The following SLC14A2 variants were observed in gnomAD, a reference collection of about 807,000 sequenced individuals.
The protein encoded by SLC14A2 is urea transporter 2.
SLC14A2 carries 91 observed loss-of-function variants against 104.6 expected under a neutral mutation model. That is an observed-to-expected ratio of 0.87 (90% CI 0.73 to 1.04). The LOEUF is 1.04. Ranked by LOEUF, SLC14A2 falls within the 50% of genes least tolerant of loss-of-function variation. SLC14A2 has a pLI of 0.00. For missense variants in SLC14A2, 1,189 were observed against 1,156.0 expected, an observed-to-expected ratio of 1.03 and a Z score of -0.41; for synonymous variants, 476 against 466.4, an observed-to-expected ratio of 1.02 and a Z score of -0.27.
intron 1 of SLC14A2, among the ~76,000 whole-genome samples, chr18:45,409,609 C>G (rs1352602763): frequency 6.6e-6 from 1 of 152,182 alleles, no homozygotes; most frequent in Non-Finnish European, 1.5e-5. Flanking sequence ...ATCAACCCAA[C>G]CACTGAGCCT....
chr18:45,427,163 G>A (rs2086445762), intron 1 of SLC14A2, among the ~76,000 whole-genome samples: 1 of 151,788 alleles, frequency 6.6e-6, no homozygotes, highest in South Asian at 2.1e-4. Flanking sequence ...AATTCTTTGT[G>A]TTTGTCATGA....
intron 1 of SLC14A2, among the ~76,000 whole-genome samples, chr18:45,470,638 A>G (rs1833415): frequency 0.98 from 149,326 of 152,248 alleles, 73,287 homozygotes; most frequent in Non-Finnish European, 1. Flanking sequence ...AGTTTATACA[A>G]TATATTTAAT....
chr18:45,675,709 A>ATATATATATAT (rs57989993), intron 18 of SLC14A2, among the ~76,000 whole-genome samples: 156 of 78,402 alleles, frequency 2.0e-3, no homozygotes, highest in East Asian at 0.01. Flanking sequence ...ATATATATAT[A>ATATATATATAT]TTTTTTTTTT....
intron 1 of SLC14A2, among the ~76,000 whole-genome samples, chr18:45,403,469 G>A (rs895736624): frequency 9.2e-5 from 14 of 152,230 alleles, no homozygotes; most frequent in East Asian, 3.9e-4. Flanking sequence ...GTGCTCCATC[G>A]CTGTGGGCCA....
chr18:45,372,218 A>AG (rs1598731036), intron 1 of SLC14A2, among the ~76,000 whole-genome samples: 1 of 152,114 alleles, frequency 6.6e-6, no homozygotes, highest in East Asian at 1.9e-4. Flanking sequence ...AGCCTGAGGC[A>AG]GGAGAATCGC....
intron 2 of SLC14A2, among the ~76,000 whole-genome samples, chr18:45,524,843 T>C (rs1393924994): frequency 6.6e-6 from 1 of 152,196 alleles, no homozygotes; most frequent in African/African-American, 2.4e-5. Context: ...CTGCCCTTTT[T>C]CCTGCCCCAT....
chr18:45,251,962 TAGCTTGTAG>T (rs1417726366), intron 1 of SLC14A2, among the ~76,000 whole-genome samples: 1 of 151,744 alleles, frequency 6.6e-6, no homozygotes, highest in East Asian at 1.9e-4. Context: ...TGAGACGCAT[TAGCTTGTAG>T]AACATTAAAA....
At chr18:45,344,450 C>T (rs2085427917) in intron 1 of SLC14A2, among the ~76,000 whole-genome samples, 1 of 152,176 alleles carries the variant, frequency 6.6e-6, no homozygotes, top group Non-Finnish European at 1.5e-5. Flanking sequence ...TGATAATTCC[C>T]TAAAACAACT....
chr18:45,418,678 T>C (rs1188393387), intron 1 of SLC14A2, among the ~76,000 whole-genome samples: 3 of 152,212 alleles, frequency 2.0e-5, no homozygotes, highest in African/African-American at 7.2e-5. Flanking sequence ...GAAAGTCATT[T>C]CAGGTTCTTA....
chr18:45,334,876 AC>A (rs1400371635), intron 1 of SLC14A2, among the ~76,000 whole-genome samples: 2 of 152,186 alleles, frequency 1.3e-5, no homozygotes, highest in African/African-American at 4.8e-5. Context: ...GGAGGGGTCT[AC>A]CCAGAAAGCC....
At chr18:45,544,902 C>T (rs1384388953) in intron 2 of SLC14A2, among the ~76,000 whole-genome samples, 1 of 149,934 alleles carries the variant, frequency 6.7e-6, no homozygotes, top group Non-Finnish European at 1.5e-5. Context: ...AAGTGATTCT[C>T]CTGCCTCAGG....
chr18:45,367,367 C>A (rs887930587), intron 1 of SLC14A2, among the ~76,000 whole-genome samples: 1 of 152,268 alleles, frequency 6.6e-6, no homozygotes, highest in African/African-American at 2.4e-5. Flanking sequence ...CTCCTTATAT[C>A]TTTCTCCTGG....
At chr18:45,372,899 G>A (rs1417199467) in intron 1 of SLC14A2, among the ~76,000 whole-genome samples, 1 of 152,116 alleles carries the variant, frequency 6.6e-6, no homozygotes, top group Non-Finnish European at 1.5e-5. Flanking sequence ...ATAAAATATA[G>A]TTAGATATTT....
At chr18:45,666,084 G>A in intron 11 of SLC14A2, 53 bp from the exon 12 acceptor site, 5 of 1,223,524 alleles carry the variant, frequency 4.1e-6, no homozygotes, top group Non-Finnish European at 6.1e-6. Flanking sequence ...TAGCTTCTGA[G>A]GTGCCAGAGT....
At chr18:45,297,382 C>T (rs756912431) in intron 1 of SLC14A2, among the ~76,000 whole-genome samples, 26 of 152,248 alleles carry the variant, frequency 1.7e-4, no homozygotes, top group Non-Finnish European at 2.9e-4. Flanking sequence ...ATTTGGTTAG[C>T]ATCCTTCGAC....
intron 1 of SLC14A2, among the ~76,000 whole-genome samples, chr18:45,321,089 G>A (rs1025591238): frequency 6.6e-6 from 1 of 152,192 alleles, no homozygotes; most frequent in Non-Finnish European, 1.5e-5. Flanking sequence ...AGAACTGGTT[G>A]GGAGAAGTGG....
At chr18:45,567,554 G>A (rs2044284209) in intron 2 of SLC14A2, among the ~76,000 whole-genome samples, 1 of 152,198 alleles carries the variant, frequency 6.6e-6, no homozygotes, top group African/African-American at 2.4e-5. Flanking sequence ...ATTCAGAAGA[G>A]TGAGGTTATT....
At chr18:45,582,999 C>T (rs930154424) in intron 2 of SLC14A2, among the ~76,000 whole-genome samples, 1 of 152,154 alleles carries the variant, frequency 6.6e-6, no homozygotes, top group African/African-American at 2.4e-5. Context: ...TTGTTTCTTG[C>T]ATGGAATCCT....
At chr18:45,523,713 C>A (rs993048663) in intron 2 of SLC14A2, among the ~76,000 whole-genome samples, 2 of 152,032 alleles carry the variant, frequency 1.3e-5, no homozygotes, top group South Asian at 4.2e-4. Context: ...CTGCCTGTAA[C>A]CCTCCCCACC....
Sources: gnomAD v4.1 joint callset for allele counts (sites outside exome capture counted in the v4.1 genomes callset) on GRCh38, gnomAD v4.1.1 for gene constraint, MANE v1.5 for transcripts, NCBI Gene and HGNC (gene_info 2026-07-23, HGNC 2026-07-21) for gene names.